Variants in SEL1L2 observed in about 807,000 individuals in gnomAD.
The protein encoded by SEL1L2 is protein sel-1 homolog 2.
A neutral mutation model predicts 98.8 loss-of-function variants in SEL1L2; 89 were observed. The observed-to-expected ratio is 0.90, with a 90% CI of 0.76 to 1.07. The LOEUF (loss-of-function observed/expected upper bound fraction) is 1.07, where lower values mean the gene tolerates loss of function less well. SEL1L2 is among the 50% of genes least tolerant of loss of function. The pLI, the probability that SEL1L2 is intolerant of heterozygous loss-of-function variation, is 0.00. For synonymous variants in SEL1L2, 262 were observed against 278.5 expected, an observed-to-expected ratio of 0.94 and a Z score of 0.59; for missense variants, 788 against 812.0, an observed-to-expected ratio of 0.97 and a Z score of 0.36.
At chr20:13,851,846 CTG>C (rs1264836416) in intron 18 of SEL1L2, among the ~76,000 whole-genome samples, 4 of 151,068 alleles carry the variant, frequency 2.6e-5, no homozygotes, top group Non-Finnish European at 4.4e-5. Flanking sequence ...GCTGTTAAAA[CTG>C]TGTTTTTTTG....
At chr20:13,947,103 G>A (rs1027746391) in intron 2 of SEL1L2, among the ~76,000 whole-genome samples, 1 of 121,866 alleles carries the variant, frequency 8.2e-6, no homozygotes, top group African/African-American at 3.1e-5. Flanking sequence ...TTCAAGCCAG[G>A]AAGGACCTGA....
chr20:13,907,931 G>A (rs1568945897), intron 5 of SEL1L2, among the ~76,000 whole-genome samples: 1 of 148,804 alleles, frequency 6.7e-6, no homozygotes, highest in Non-Finnish European at 1.5e-5. Context: ...GCACGTGCCA[G>A]CACTCCTGGC....
intron 18 of SEL1L2, 55 bp downstream of exon 18, chr20:13,859,207 C>A: frequency 4.0e-6 from 6 of 1,494,606 alleles, no homozygotes; most frequent in Non-Finnish European, 5.6e-6. Context: ...TTTACACATT[C>A]TGTCTTCTCA....
chr20:13,983,847 TTTCTC>T (rs965917314), intron 1 of SEL1L2, among the ~76,000 whole-genome samples: 1 of 151,760 alleles, frequency 6.6e-6, no homozygotes, highest in Non-Finnish European at 1.5e-5. Flanking sequence ...AAATAACTGT[TTTCTC>T]TTCCACTAAC....
chr20:13,913,711 T>A (rs1306575018), intron 5 of SEL1L2, 71 bp downstream of exon 5: 1 of 1,330,914 alleles, frequency 7.5e-7, no homozygotes, highest in Non-Finnish European at 1.0e-6. Context: ...ATTGCTCAAC[T>A]CCTTTCACAT....
intron 8 of SEL1L2, among the ~76,000 whole-genome samples, chr20:13,887,550 T>C (rs1455298065): frequency 1.3e-5 from 2 of 152,084 alleles, no homozygotes; most frequent in African/African-American, 4.8e-5. Context: ...GGATACATAT[T>C]AACAAAAATA....
chr20:13,943,944 G>A (rs972642955), intron 2 of SEL1L2, among the ~76,000 whole-genome samples: 1 of 152,058 alleles, frequency 6.6e-6, no homozygotes, highest in Non-Finnish European at 1.5e-5. Context: ...CATCCTGAAG[G>A]AACCAATTAA....
chr20:13,931,919 C>G, intron 2 of SEL1L2, 148 bp from the exon 3 acceptor site: 1 of 527,276 alleles, frequency 1.9e-6, no homozygotes, highest in Non-Finnish European at 3.1e-6. Flanking sequence ...ATCAAAATGA[C>G]AGATGGCTTA....
At chr20:13,948,400 A>G (rs372660375) in intron 2 of SEL1L2, among the ~76,000 whole-genome samples, 27 of 152,334 alleles carry the variant, frequency 1.8e-4, no homozygotes, top group African/African-American at 6.0e-4. Context: ...AGTGCGGCAC[A>G]AAGATAGACA....
chr20:13,958,835 T>C (rs2050657409), intron 1 of SEL1L2, among the ~76,000 whole-genome samples: 1 of 151,204 alleles, frequency 6.6e-6, no homozygotes, highest in Admixed American at 6.6e-5. Context: ...TCCCAGCTAC[T>C]TGGGAGCTAC....
At position 13,876,077 on chromosome 20, in the gene SEL1L2, G is replaced by A. The variant is rs772209626; in HGVS notation, c.1065C>T (p.Asn355=). 1.3e-5 allele frequency: 21 copies of A among 1,613,930 alleles called. No homozygotes were observed. The highest frequency in any genetic ancestry group is 5.0e-5 in the Admixed American group (3 of 60,004). The change falls in exon 12 of 20, where the codon AAC becomes AAT. Residue 355 remains asparagine (N), a synonymous_variant. Transcript: ENST00000284951. ...TGGAAAAGTACTTGAAGGCAGTAGC[G>A]TTATTTTGCGGCACGGCAGCATTCC... ...LEGNAAVPQN[N]ATAFKYFSMA...
chr20:13,855,778 G>A (rs1231273843), intron 18 of SEL1L2, among the ~76,000 whole-genome samples: 1 of 152,228 alleles, frequency 6.6e-6, no homozygotes, highest in African/African-American at 2.4e-5. Flanking sequence ...GCCCAGAAAT[G>A]ACACCCTTCA....
chr20:13,914,310 C>T (rs1304748235), intron 4 of SEL1L2, among the ~76,000 whole-genome samples: 1 of 152,148 alleles, frequency 6.6e-6, no homozygotes, highest in South Asian at 2.1e-4. Flanking sequence ...CCCATGGCCA[C>T]CACCATTATT....
intron 3 of SEL1L2, among the ~76,000 whole-genome samples, chr20:13,923,322 T>A (rs527800235): frequency 6.6e-6 from 1 of 152,232 alleles, no homozygotes; most frequent in Non-Finnish European, 1.5e-5. Context: ...AAAAGGTTTT[T>A]AAAAATTGTC....
intron 1 of SEL1L2, among the ~76,000 whole-genome samples, chr20:13,956,719 A>T (rs553124029): frequency 2.0e-5 from 3 of 152,144 alleles, no homozygotes; most frequent in African/African-American, 7.2e-5. Context: ...TATCATATAG[A>T]ATACATGCAT....
At chr20:13,978,799 G>A (rs1305018116) in intron 1 of SEL1L2, among the ~76,000 whole-genome samples, 1 of 152,216 alleles carries the variant, frequency 6.6e-6, no homozygotes, top group Non-Finnish European at 1.5e-5. Flanking sequence ...GCTCACGCCT[G>A]TAATCCCAAC....
At chr20:13,866,983 C>G (rs1439482304) in intron 14 of SEL1L2, 133 bp from the exon 15 acceptor site, 2 of 807,114 alleles carry the variant, frequency 2.5e-6, no homozygotes, top group Non-Finnish European at 3.5e-6. Flanking sequence ...TCAAGCTACT[C>G]TAAATCCACT....
chr20:13,991,241 T>C (rs141629510), upstream of SEL1L2, among the ~76,000 whole-genome samples: 2 of 152,334 alleles, frequency 1.3e-5, no homozygotes, highest in Non-Finnish European at 2.9e-5. Context: ...GTTGAGAAAT[T>C]ATGCCTACAA....
intron 12 of SEL1L2, among the ~76,000 whole-genome samples, chr20:13,871,207 G>A (rs749021326): frequency 6.6e-6 from 1 of 152,096 alleles, no homozygotes; most frequent in African/African-American, 2.4e-5. Context: ...GTAAAGCATC[G>A]TTGGTATATT....
Sources: gnomAD v4.1 joint callset for allele counts (sites outside exome capture counted in the v4.1 genomes callset) on GRCh38, gnomAD v4.1.1 for gene constraint, MANE v1.5 for transcripts, NCBI Gene and HGNC (gene_info 2026-07-23, HGNC 2026-07-21) for gene names.